The following PTPRT variants were observed in gnomAD, a reference collection of about 807,000 sequenced individuals.
PTPRT encodes receptor-type tyrosine-protein phosphatase T.
PTPRT carries 56 observed loss-of-function variants against 176.8 expected under a neutral mutation model. That is an observed-to-expected ratio of 0.32 (90% CI 0.26 to 0.40). PTPRT has a LOEUF of 0.40. Among genes scored for constraint, PTPRT ranks in the 10% least tolerant of loss-of-function variants. The pLI is 1.00. For synonymous variants in PTPRT, 783 were observed against 739.0 expected (o/e 1.06, Z -0.96); for missense variants, 1,540 against 1,908.2 (o/e 0.81, Z 3.60).
At chr20:42,622,302 C>T (rs1406657990) in intron 7 of PTPRT, among the ~76,000 whole-genome samples, 5 of 151,600 alleles carry the variant, frequency 3.3e-5, no homozygotes, top group East Asian at 3.9e-4. Context: ...AGTGCAGTGG[C>T]GCCATCTCGG....
At chr20:42,321,190 G>A (rs1057196049) in intron 11 of PTPRT, among the ~76,000 whole-genome samples, 4 of 152,156 alleles carry the variant, frequency 2.6e-5, no homozygotes, top group Non-Finnish European at 5.9e-5. Flanking sequence ...TCAAGTGAGG[G>A]CAGTGAACAG....
intron 13 of PTPRT, among the ~76,000 whole-genome samples, chr20:42,274,512 CTT>C (rs2056992586): frequency 6.7e-6 from 1 of 150,160 alleles, no homozygotes; most frequent in African/African-American, 2.5e-5. Flanking sequence ...ACCCTTCTCT[CTT>C]TACTGTTTCC....
intron 9 of PTPRT, among the ~76,000 whole-genome samples, chr20:42,410,334 A>G (rs1406120947): frequency 6.6e-6 from 1 of 152,184 alleles, no homozygotes; most frequent in African/African-American, 2.4e-5. Context: ...GCCAACAGCT[A>G]ATAAAATCAA....
At chr20:43,035,743 G>C (rs767292552) in intron 1 of PTPRT, among the ~76,000 whole-genome samples, 5 of 152,212 alleles carry the variant, frequency 3.3e-5, no homozygotes, top group Non-Finnish European at 7.4e-5. Context: ...AACAGTTTAA[G>C]AAAACAGAAT....
intron 7 of PTPRT, among the ~76,000 whole-genome samples, chr20:42,644,097 C>T (rs2074829807): frequency 6.6e-6 from 1 of 152,156 alleles, no homozygotes; most frequent in Admixed American, 6.5e-5. Context: ...CCTAACTGCA[C>T]TCTTGCCACT....
At chr20:42,620,215 G>A (rs1280718427) in intron 7 of PTPRT, among the ~76,000 whole-genome samples, 1 of 149,596 alleles carries the variant, frequency 6.7e-6, no homozygotes, top group Middle Eastern at 3.4e-3. Context: ...AGGTGTCAGT[G>A]TGCCCCTGCT....
intron 7 of PTPRT, among the ~76,000 whole-genome samples, chr20:42,674,063 G>A (rs1226026791): frequency 6.6e-6 from 1 of 152,104 alleles, no homozygotes; most frequent in Non-Finnish European, 1.5e-5. Flanking sequence ...TTTCCAGCGT[G>A]ATTAATAATA....
intron 6 of PTPRT, among the ~76,000 whole-genome samples, chr20:42,704,402 A>G (rs952650076): frequency 6.6e-6 from 1 of 151,170 alleles, no homozygotes; most frequent in Non-Finnish European, 1.5e-5. Flanking sequence ...TGTGTTCCTA[A>G]TGGTCTTTAG....
At position 42,352,110 on chromosome 20, in the gene PTPRT, G is replaced by A; in HGVS notation, c.1736C>T (p.Thr579Ile). The A allele has an allele frequency of 6.2e-7, 1 of 1,614,044 alleles. No individual in the cohort carries two copies. Among genetic ancestry groups the A allele is most frequent in the Non-Finnish European group, 8.5e-7 (1 of 1,179,954 alleles). Residue 579 changes from threonine (T) to isoleucine (I), a missense_variant, in exon 10 of 31, where the codon ACC (threonine) becomes ATC (isoleucine). Around this residue, in one of 11 missense-constraint regions of PTPRT, gnomAD observed 136 missense variants for 135.0 expected, o/e 1.01. Coordinates refer to ENST00000373187, the MANE Select transcript of PTPRT (RefSeq NM_007050.6). ...STAKGFGPPV[T>I]TRIATKISAP... ...TGAAATTTTGGTGGCAATCCGAGTG[G>A]TGACAGGGGGCCCAAAGCCCTTTGC...
chr20:42,570,125 G>A (rs1422000517), intron 7 of PTPRT, among the ~76,000 whole-genome samples: 1 of 152,140 alleles, frequency 6.6e-6, no homozygotes, highest in South Asian at 2.1e-4. Context: ...TACCTGGCAG[G>A]ACAGCCAGTG....
chr20:42,071,128 A>G (rs1982312805), downstream of PTPRT, among the ~76,000 whole-genome samples: 1 of 152,164 alleles, frequency 6.6e-6, no homozygotes, highest in Non-Finnish European at 1.5e-5. Flanking sequence ...TAGGTTCCTC[A>G]GGCAGAAGAA....
At chr20:42,594,272 C>A (rs944415833) in intron 7 of PTPRT, among the ~76,000 whole-genome samples, 7 of 152,122 alleles carry the variant, frequency 4.6e-5, no homozygotes, top group Non-Finnish European at 1.0e-4. Context: ...CGCTGTCAAT[C>A]CAGATCCTGT....
At chr20:42,702,070 G>GTCA (rs1309783648) in intron 6 of PTPRT, among the ~76,000 whole-genome samples, 1 of 152,022 alleles carries the variant, frequency 6.6e-6, no homozygotes, top group Non-Finnish European at 1.5e-5. Context: ...CTTCCCACTT[G>GTCA]TCACACTTGC....
chr20:42,192,660 C>T (rs1286667654), intron 16 of PTPRT, among the ~76,000 whole-genome samples: 3 of 152,174 alleles, frequency 2.0e-5, no homozygotes, highest in African/African-American at 7.2e-5. Flanking sequence ...TCCTGTGGCT[C>T]TTCGTGTAGG....
chr20:42,638,407 C>T (rs2074659019), intron 7 of PTPRT, among the ~76,000 whole-genome samples: 1 of 152,074 alleles, frequency 6.6e-6, no homozygotes, highest in South Asian at 2.1e-4. Flanking sequence ...AAGATACTCA[C>T]CCTTCGCTCC....
At chr20:42,962,920 T>C (rs1982076218) in intron 1 of PTPRT, among the ~76,000 whole-genome samples, 1 of 151,882 alleles carries the variant, frequency 6.6e-6, no homozygotes, top group Non-Finnish European at 1.5e-5. Context: ...CAGTACAAGC[T>C]GGGCACGGTG....
intron 1 of PTPRT, among the ~76,000 whole-genome samples, chr20:43,147,385 C>T (rs1470991365): frequency 2.0e-5 from 3 of 152,138 alleles, no homozygotes; most frequent in East Asian, 1.9e-4. Flanking sequence ...ACTCAATAAA[C>T]GCCAACCATC....
rs2078930170 is a variant in PTPRT at position 42,876,310 on chromosome 20, G to T, written c.214+9497C>A. On this transcript the variant is annotated intron_variant, in intron 2 of 30. Coordinates refer to ENST00000373187, the MANE Select transcript of PTPRT (RefSeq NM_007050.6). ...TCAGGTGTGATTAAGGACACTTAAA[G>T]GCCCATACTTCCATATGATTTTATT... is the stretch of plus-strand genomic sequence containing the variant. Among the ~76,000 whole-genome samples, 7 of 152,200 alleles carry T rather than the reference G, an allele frequency of 4.6e-5. No individual in the cohort carries two copies. In the South Asian group the frequency reaches 1.5e-3, roughly 32 times the overall value.
intron 1 of PTPRT, among the ~76,000 whole-genome samples, chr20:42,888,517 G>A (rs1010554167): frequency 2.0e-5 from 3 of 152,182 alleles, no homozygotes; most frequent in African/African-American, 7.2e-5. Context: ...GCACTGAGGG[G>A]ATAAATGACC....
Sources: allele counts gnomAD v4.1 joint callset (sites outside exome capture counted in the v4.1 genomes callset), GRCh38; gene constraint gnomAD v4.1.1; regional missense constraint gnomAD v4.1.1; transcripts MANE v1.5; gene names NCBI Gene and HGNC (gene_info 2026-07-23, HGNC 2026-07-21).